The following ING1 variants were observed in gnomAD, a reference collection of about 807,000 sequenced individuals.
The protein encoded by ING1 is inhibitor of growth protein 1.
Under a neutral mutation model 23.1 loss-of-function variants are expected in ING1, and 4 were observed. The ratio of observed to expected loss-of-function variants is 0.17; its 90% CI spans 0.09 to 0.40. ING1 has a LOEUF of 0.40. ING1 is among the 10% of genes least tolerant of loss of function. The probability of loss-of-function intolerance (pLI) is 1.00; values close to 1 mark genes in which losing one functional copy is unlikely to be tolerated. For missense variants in ING1, 256 were observed against 393.8 expected, an observed-to-expected ratio of 0.65 and a Z score of 2.96; for synonymous variants, 179 against 166.4, an observed-to-expected ratio of 1.08 and a Z score of -0.58.
rs751432826 is a variant in ING1, at chr13:110,715,546, C to T, written c.136+1261C>T. 103 of 1,614,006 alleles carry T rather than the reference C, an allele frequency of 6.4e-5. 1 individual carries two copies. The Admixed American group carries it at 1.6e-3, about 26-fold the overall frequency. On this transcript the variant is annotated intron_variant, in intron 1 of 1. Transcript: ENST00000333219. ...AATAACTGGTATGGGTCTGTGTTTCCGCTGTCTTCTTTTTTCTTTTTCGGG... is the reference window on the plus strand; with the variant it reads ...AATAACTGGTATGGGTCTGTGTTTCTGCTGTCTTCTTTTTTCTTTTTCGGG...
intron 1 of ING1, chr13:110,714,922 A>C (rs1345954532): frequency 3.1e-5 from 29 of 937,422 alleles, no homozygotes; most frequent in Non-Finnish European, 3.6e-5. Flanking sequence ...CGCCGGTTGT[A>C]GTTTGCGGAG....
rs1197370366 is a variant in ING1 at position 110,716,001 on chromosome 13, G to C, written c.136+1716G>C. ...CCCGAGGGTGGGGCCGCGCGTGGCC[G>C]TGGAAACGTGAGTGACTGGGGCTGC... On this transcript the variant is annotated intron_variant, in intron 1 of 1. Coordinates refer to ENST00000333219, the MANE Select transcript of ING1 (RefSeq NM_198219.3). 3 of 1,504,084 alleles carry C rather than the reference G, an allele frequency of 2.0e-6. No homozygotes were observed. In the East Asian group the frequency reaches 6.9e-5, roughly 35 times the overall value. 93.2% of individuals were successfully genotyped at this position (1,504,084 alleles called of 1,614,324 possible). A position where few individuals can be genotyped will look rare whatever the true frequency, so the allele number is the denominator to read the frequency against.
Position 110,720,069 on chromosome 13 carries a change from G to T in ING1, c.*137G>T. The T allele has an allele frequency of 1.5e-6, 1 of 650,512 alleles. No individual in the cohort carries two copies. Among genetic ancestry groups the T allele is most frequent in the Non-Finnish European group, 2.5e-6 (1 of 395,862 alleles). The allele number at this position is 650,512 out of a possible 1,614,324, so 40.3% of individuals were successfully genotyped here. ...GTAAAGGAACCATTCCTTTCATAGG[G>T]ATGGCAGTGATTCTGTTTGCCTTTT... On this transcript the variant is annotated 3_prime_UTR_variant, in exon 2 of 2. Coordinates refer to ENST00000333219, the MANE Select transcript of ING1 (RefSeq NM_198219.3).
intron 1 of ING1, among the ~76,000 whole-genome samples, chr13:110,718,160 T>C (rs2064140051): frequency 6.6e-6 from 1 of 152,242 alleles, no homozygotes; most frequent in African/African-American, 2.4e-5. Flanking sequence ...CCATTGACTT[T>C]AACAGATGTG....
chr13:110,719,363 A>C lies in ING1; in HGVS notation c.271A>C (p.Ile91Leu). 6.2e-7 allele frequency: 1 copy of C among 1,609,704 alleles called. No homozygotes were observed. Among genetic ancestry groups the C allele is most frequent in the Non-Finnish European group, 8.5e-7 (1 of 1,179,816 alleles). Reference protein sequence around the residue: ...SQELGDEKIQIVSQMVELVEN... With the variant: ...SQELGDEKIQLVSQMVELVEN... ...GGAGCTGGGCGACGAGAAGATCCAG[A>C]TCGTGAGCCAGATGGTGGAGCTGGT... Residue 91 changes from isoleucine (I) to leucine (L), a missense_variant, in exon 2 of 2, where the codon ATC becomes CTC. Ile to Leu is a conservative substitution (Grantham distance 5). Transcript: ENST00000333219. The surrounding 1 kb of genome is among the most constrained non-coding windows in gnomAD (Gnocchi z 8.9).
At position 110,723,125 on chromosome 13, in the gene ING1, AG is replaced by A. The variant is rs1355444608; in HGVS notation, c.*3195del. On this transcript the variant is annotated 3_prime_UTR_variant, in exon 2 of 2. Coordinates refer to ENST00000333219, the MANE Select transcript of ING1 (RefSeq NM_198219.3). The stretch of plus-strand genomic sequence containing the variant: ...GGACTAAAGAAACGTTGTATGTTCA[AG>A]GAAGTGTTGAGCAGCCATGGTGTTC... 1 of 152,232 alleles carries A rather than the reference AG, an allele frequency of 6.6e-6. No homozygotes were observed. The highest frequency in any genetic ancestry group is 2.4e-5 in the African/African-American group (1 of 41,456). The allele number at this position is 152,232 out of a possible 1,614,324, so 9.4% of individuals were successfully genotyped here.
chr13:110,713,287 G>A (rs1028746576), upstream of ING1: 34 of 1,284,046 alleles, frequency 2.6e-5, no homozygotes, highest in Non-Finnish European at 3.4e-5. Context: ...AGCGAGTTGC[G>A]GTAGTTGCTG....
Position 110,720,175 on chromosome 13 carries a change from A to T in ING1, c.*243A>T, listed in dbSNP as rs1291057803. On this transcript the variant is annotated 3_prime_UTR_variant, in exon 2 of 2. Coordinates refer to ENST00000333219, the MANE Select transcript of ING1 (RefSeq NM_198219.3). ...ACTACAAATATAGGTTTGATTCAAC[A>T]CTTAAGTCTCAGACTGATTTCTTGC... 1 of 339,690 alleles carries T rather than the reference A, an allele frequency of 2.9e-6. No individual in the cohort carries two copies. The highest frequency in any genetic ancestry group is 5.6e-6 in the Non-Finnish European group (1 of 179,776). The allele number at this position is 339,690 out of a possible 1,614,324, so 21.0% of individuals were successfully genotyped here. A position where few individuals can be genotyped will look rare whatever the true frequency, so the allele number is the denominator to read the frequency against.
chr13:110,713,193 G>C (rs1402989960), upstream of ING1: 2 of 1,425,228 alleles, frequency 1.4e-6, no homozygotes, highest in Non-Finnish European at 1.8e-6. Flanking sequence ...TTGGCAAGTA[G>C]ATTGGCTACT....
At chr13:110,713,244 T>G, upstream of ING1, 5 of 1,349,490 alleles carry the variant, frequency 3.7e-6, no homozygotes, top group East Asian at 5.6e-5. Context: ...TATACTGCTC[T>G]GTGGGGCGGG....
chr13:110,715,622 T>C (rs2064110258), intron 1 of ING1: 2 of 1,613,818 alleles, frequency 1.2e-6, no homozygotes, highest in South Asian at 2.2e-5. Context: ...TTCGGGTCGC[T>C]CGGCCTCCAG....
At chr13:110,715,471 T>C (rs750253750) in intron 1 of ING1, 1 of 1,610,582 alleles carries the variant, frequency 6.2e-7, no homozygotes, top group South Asian at 1.1e-5. Flanking sequence ...TCCTTATCAT[T>C]CCCCTGCGGA....
upstream of ING1, chr13:110,713,265 C>G: frequency 1.5e-6 from 2 of 1,327,502 alleles, no homozygotes; most frequent in Non-Finnish European, 9.6e-7. Context: ...GACGAAGAGT[C>G]AGGGGCTGAG....
Position 110,714,322 on chromosome 13 carries a change from T to G in ING1, c.136+37T>G. The G allele has an allele frequency of 3.3e-6, 5 of 1,493,770 alleles. No homozygotes were observed. The South Asian group carries it at 4.9e-5, about 15-fold the overall frequency. The allele number at this position is 1,493,770 out of a possible 1,614,324, so 92.5% of individuals were successfully genotyped here. A position where few individuals can be genotyped will look rare whatever the true frequency, so the allele number is the denominator to read the frequency against. On this transcript the variant is annotated intron_variant, in intron 1 of 1. Coordinates refer to ENST00000333219, the MANE Select transcript of ING1 (RefSeq NM_198219.3). ...TGATGGATGGGCGGGGGCGGCCGCC[T>G]CCTTCCCGGCGGGTCCGGGCGCGCC...
At chr13:110,715,533 G>T (rs1415078032) in intron 1 of ING1, 6 of 1,614,228 alleles carry the variant, frequency 3.7e-6, no homozygotes, top group South Asian at 1.1e-5. Flanking sequence ...TAACTGGTAT[G>T]GGTCTGTGTT....
chr13:110,720,059 C>CT lies in ING1; in HGVS notation c.*130dup. ...AAGAATGTTAGTAAAGGAACCATTCCTTTCATAGGGATGGCAGTGATTCTG... is the reference window on the plus strand; with the variant it reads ...AAGAATGTTAGTAAAGGAACCATTCCTTTTCATAGGGATGGCAGTGATTCTG... On this transcript the variant is annotated 3_prime_UTR_variant, in exon 2 of 2. Transcript: ENST00000333219. 1 of 699,746 alleles carries CT rather than the reference C, an allele frequency of 1.4e-6. No homozygotes were observed. 43.3% of individuals were successfully genotyped at this position (699,746 alleles called of 1,614,324 possible). A position where few individuals can be genotyped will look rare whatever the true frequency, so the allele number is the denominator to read the frequency against.
upstream of ING1, chr13:110,713,066 G>A (rs1369463488): frequency 6.9e-7 from 1 of 1,454,320 alleles, no homozygotes; most frequent in East Asian, 2.5e-5. Flanking sequence ...CCCGTGCCCG[G>A]CCCTCCCCTT....
At chr13:110,715,937 G>C (rs1376924759) in intron 1 of ING1, 1 of 1,555,056 alleles carries the variant, frequency 6.4e-7, no homozygotes, top group African/African-American at 1.4e-5. Flanking sequence ...CGACCCGCGG[G>C]GCCGGCTCGG....
chr13:110,713,678 C>G (rs945830787), upstream of ING1: 10 of 985,240 alleles, frequency 1.0e-5, no homozygotes, highest in Admixed American at 6.2e-5. Context: ...GAATGTTTCC[C>G]AAGTGTTTGA....
Sources: allele counts gnomAD v4.1 joint callset (sites outside exome capture counted in the v4.1 genomes callset), GRCh38; gene constraint gnomAD v4.1.1; non-coding constraint Gnocchi (gnomAD v3.1); transcripts MANE v1.5; gene names NCBI Gene and HGNC (gene_info 2026-07-23, HGNC 2026-07-21).